OR2A42: variants seen among roughly 807,000 people sequenced by gnomAD.
OR2A42 encodes olfactory receptor family 2 subfamily A member 42.
For synonymous variants in OR2A42, 5 were observed against 46.4 expected (o/e 0.11, Z 3.63); for missense variants, 3 against 104.1 (o/e 0.03, Z 4.23).
At position 144,228,539 on chromosome 7, in the gene OR2A42, G is replaced by A. The variant is rs1157803160; in HGVS notation, c.*3372C>T. On this transcript the variant is annotated 3_prime_UTR_variant, in exon 3 of 3. Coordinates refer to ENST00000641810, the MANE Select transcript of OR2A42 (RefSeq NM_001001802.3). ...ATGCAGTGCCAACCACATAGTAAGT[G>A]CTCAATAATTATCAGCTACAATTAA... 37 of 121,242 alleles carry A rather than the reference G, an allele frequency of 3.1e-4. 7 individuals are homozygous for A. The highest frequency in any genetic ancestry group is 1.8e-5 in the Non-Finnish European group (1 of 55,656). 7.5% of individuals were successfully genotyped at this position (121,242 alleles called of 1,614,324 possible). A position where few individuals can be genotyped will look rare whatever the true frequency, so the allele number is the denominator to read the frequency against.
At position 144,228,367 on chromosome 7, in the gene OR2A42, G is replaced by T. The variant is rs1385661219; in HGVS notation, c.*3544C>A. On this transcript the variant is annotated 3_prime_UTR_variant, in exon 3 of 3. Coordinates refer to ENST00000641810, the MANE Select transcript of OR2A42 (RefSeq NM_001001802.3). ...ATTTACAGTCAGACTGCCTGGTCTTGATTCATGTTTCTACCACTGAATGAT... is the reference window on the plus strand; with the variant it reads ...ATTTACAGTCAGACTGCCTGGTCTTTATTCATGTTTCTACCACTGAATGAT... 1 of 124,130 alleles carries T rather than the reference G, an allele frequency of 8.1e-6. No homozygotes were observed. The highest frequency in any genetic ancestry group is 3.0e-5 in the African/African-American group (1 of 33,070). The allele number at this position is 124,130 out of a possible 1,614,324, so 7.7% of individuals were successfully genotyped here. A position where few individuals can be genotyped will look rare whatever the true frequency, so the allele number is the denominator to read the frequency against.
Position 144,228,393 on chromosome 7 carries a change from T to C in OR2A42, c.*3518A>G, listed in dbSNP as rs1330234533. ...ATTCATGTTTCTACCACTGAATGATTTGGCGACCTTGAATAAATTAATTAA... is the reference window on the plus strand; with the variant it reads ...ATTCATGTTTCTACCACTGAATGATCTGGCGACCTTGAATAAATTAATTAA... On this transcript the variant is annotated 3_prime_UTR_variant, in exon 3 of 3. Transcript: ENST00000641810. The C allele has an allele frequency of 8.8e-6, 1 of 113,076 alleles. No individual in the cohort carries two copies. The highest frequency in any genetic ancestry group is 1.0e-4 in the Admixed American group (1 of 9,704). The allele number at this position is 113,076 out of a possible 1,614,324, so 7.0% of individuals were successfully genotyped here. A position where few individuals can be genotyped will look rare whatever the true frequency, so the allele number is the denominator to read the frequency against.
At position 144,235,131 on chromosome 7, in the gene OR2A42, A is replaced by T. The variant is rs931503714; in HGVS notation, c.-4-2284T>A. ...ACCTAGCTAATTTTTTTAAATAAAT[A>T]TTTTTTGTACAGACAATGTATTATT... On this transcript the variant is annotated intron_variant, in intron 2 of 2. Transcript: ENST00000641810. Among the ~76,000 whole-genome samples the T allele has an allele frequency of 5.5e-5, 8 of 146,750 alleles. 1 individual carries two copies. The highest frequency in any genetic ancestry group is 1.8e-4 in the African/African-American group (7 of 38,574).
rs1268552566 is a variant in OR2A42, at chr7:144,230,160, TGTTTG to T, written c.*1746_*1750del. 40 of 134,934 alleles carry T rather than the reference TGTTTG, an allele frequency of 3.0e-4. No individual in the cohort carries two copies. The highest frequency in any genetic ancestry group is 1.1e-3 in the African/African-American group (40 of 35,766). 8.4% of individuals were successfully genotyped at this position (134,934 alleles called of 1,614,324 possible). On this transcript the variant is annotated 3_prime_UTR_variant, in exon 3 of 3. Transcript: ENST00000641810. ...TTTTTTGTTTGTTTGTTTGTTTGTTTGTTTGTTTTTCCCCCAGCTTTAAGTACTTT... is the reference window on the plus strand; with the variant it reads ...TTTTTTGTTTGTTTGTTTGTTTGTTTTTTTTCCCCCAGCTTTAAGTACTTT...
At chr7:144,238,915 C>T (rs2052466681) in intron 1 of OR2A42, 172 bp from the exon 2 acceptor site, 1 of 150,374 alleles carries the variant, frequency 6.7e-6, no homozygotes, top group Non-Finnish European at 1.5e-5. Flanking sequence ...CCTTGTTCCC[C>T]AAGCTTCAGA....
chr7:144,237,579 A>C (rs1379245908), intron 2 of OR2A42, among the ~76,000 whole-genome samples: 3 of 149,566 alleles, frequency 2.0e-5, no homozygotes, highest in African/African-American at 7.3e-5. Flanking sequence ...AACAAAAAAA[A>C]AACCAAAAAA....
At chr7:144,238,789 C>G (rs1479169357) in intron 1 of OR2A42, 46 bp from the exon 2 acceptor site, 1 of 150,540 alleles carries the variant, frequency 6.6e-6, no homozygotes, top group African/African-American at 2.5e-5. Flanking sequence ...TATTTCTGTT[C>G]TTAACCCCAG....
At chr7:144,235,562 A>C (rs1404700453) in intron 2 of OR2A42, among the ~76,000 whole-genome samples, 30 of 152,130 alleles carry the variant, frequency 2.0e-4, no homozygotes, top group Admixed American at 2.0e-3. Context: ...GTGTGGACAA[A>C]TTAATCAATA....
Position 144,228,401 on chromosome 7 carries a change from C to G in OR2A42, c.*3510G>C, listed in dbSNP as rs1035216157. 6.5e-5 allele frequency: 7 copies of G among 108,300 alleles called. 1 individual carries two copies. The highest frequency in any genetic ancestry group is 1.3e-4 in the Non-Finnish European group (7 of 52,228). The allele number at this position is 108,300 out of a possible 1,614,324, so 6.7% of individuals were successfully genotyped here. On this transcript the variant is annotated 3_prime_UTR_variant, in exon 3 of 3. Coordinates refer to ENST00000641810, the MANE Select transcript of OR2A42 (RefSeq NM_001001802.3). ...TTCTACCACTGAATGATTTGGCGAC[C>G]TTGAATAAATTAATTAATTACACTA... is the stretch of plus-strand genomic sequence containing the variant.
chr7:144,235,682 T>C (rs1401792658), intron 2 of OR2A42, among the ~76,000 whole-genome samples: 1 of 152,186 alleles, frequency 6.6e-6, no homozygotes, highest in African/African-American at 2.4e-5. Flanking sequence ...GTTTTCTTTT[T>C]CTCCCCCATA....
Position 144,228,576 on chromosome 7 carries a change from A to C in OR2A42, c.*3335T>G, listed in dbSNP as rs1242423665. 1.6e-5 allele frequency: 2 copies of C among 123,090 alleles called. 1 individual carries two copies. Among genetic ancestry groups the C allele is most frequent in the Non-Finnish European group, 3.6e-5 (2 of 56,150 alleles). The allele number at this position is 123,090 out of a possible 1,614,324, so 7.6% of individuals were successfully genotyped here. On this transcript the variant is annotated 3_prime_UTR_variant, in exon 3 of 3. Coordinates refer to ENST00000641810, the MANE Select transcript of OR2A42 (RefSeq NM_001001802.3). ...TCAGCTACAATTAAATTTCTACTGT[A>C]GTATGACCTAAAATTAGAGGGATTT...
At position 144,234,837 on chromosome 7, in the gene OR2A42, A is replaced by G. The variant is rs200448335; in HGVS notation, c.-4-1990T>C. Among the ~76,000 whole-genome samples, 80 of 111,168 alleles carry G rather than the reference A, an allele frequency of 7.2e-4. 7 individuals carry two copies. In the East Asian group the frequency reaches 9.3e-3, roughly 13 times the overall value. The allele number at this position is 111,168 out of a possible 152,430, so 72.9% of individuals were successfully genotyped here. A position where few individuals can be genotyped will look rare whatever the true frequency, so the allele number is the denominator to read the frequency against. ...GTTATATTTTTTTTTTCAGGATTCT[A>G]TTAAAAAAATACTCTCCTAGGCCAA... On this transcript the variant is annotated intron_variant, in intron 2 of 2. Transcript: ENST00000641810.
chr7:144,238,456 T>G lies in OR2A42; in HGVS notation c.-29A>C, dbSNP rs1256791521. 2.7e-5 allele frequency: 4 copies of G among 149,418 alleles called. No individual in the cohort carries two copies. The South Asian group carries it at 8.5e-4, about 32-fold the overall frequency. The allele number at this position is 149,418 out of a possible 1,614,324, so 9.3% of individuals were successfully genotyped here. ...CCAATGTTTGTAGTGGATGTGAAAG[T>G]TAACCAAGACCAGGAGCTACAACAT... On this transcript the variant is annotated 5_prime_UTR_variant, in exon 2 of 3. Coordinates refer to ENST00000641810, the MANE Select transcript of OR2A42 (RefSeq NM_001001802.3).
rs1414545010 is a variant in OR2A42, at chr7:144,230,153, GT to G, written c.*1757del. On this transcript the variant is annotated 3_prime_UTR_variant, in exon 3 of 3. Transcript: ENST00000641810. ...AAAGCTGTTTTTTGTTTGTTTGTTT[GT>G]TTGTTTGTTTGTTTTTCCCCCAGCT... The G allele has an allele frequency of 3.0e-5, 4 of 134,858 alleles. No homozygotes were observed. The highest frequency in any genetic ancestry group is 2.4e-4 in the South Asian group (1 of 4,100). 8.4% of individuals were successfully genotyped at this position (134,858 alleles called of 1,614,324 possible).
At chr7:144,235,948 T>TA (rs76873738) in intron 2 of OR2A42, among the ~76,000 whole-genome samples, 31 of 148,896 alleles carry the variant, frequency 2.1e-4, no homozygotes, top group Admixed American at 1.3e-3. Flanking sequence ...CTAACGAACT[T>TA]AAAAAAAAAA....
At chr7:144,238,973 A>G (rs1276343756) in intron 1 of OR2A42, 1 of 149,254 alleles carries the variant, frequency 6.7e-6, no homozygotes, top group South Asian at 2.1e-4. Context: ...GACAATGAAT[A>G]AGCTCCTGGC....
At chr7:144,237,810 A>C (rs1331871894) in intron 2 of OR2A42, among the ~76,000 whole-genome samples, 3 of 149,620 alleles carry the variant, frequency 2.0e-5, no homozygotes, top group Non-Finnish European at 3.0e-5. Context: ...GTAAACACTG[A>C]AAGAAACAAA....
chr7:144,233,046 A>G (rs1424652376), intron 2 of OR2A42, among the ~76,000 whole-genome samples, 199 bp from the exon 3 acceptor site: 1 of 152,244 alleles, frequency 6.6e-6, no homozygotes, highest in Non-Finnish European at 1.5e-5. Context: ...AGCCATTGAC[A>G]CATCATGGGA....
chr7:144,235,383 G>A (rs1451556854), intron 2 of OR2A42, among the ~76,000 whole-genome samples: 1 of 151,498 alleles, frequency 6.6e-6, no homozygotes, highest in Non-Finnish European at 1.5e-5. Context: ...AAGCTAGATG[G>A]AGAGTCAAGA....
Sources: gnomAD v4.1 joint callset for allele counts (sites outside exome capture counted in the v4.1 genomes callset) on GRCh38, gnomAD v4.1.1 for gene constraint, MANE v1.5 for transcripts, NCBI Gene and HGNC (gene_info 2026-07-23, HGNC 2026-07-21) for gene names.